DBR1: variants seen among roughly 807,000 people sequenced by gnomAD.
DBR1 encodes lariat debranching enzyme.
DBR1 carries 33 observed loss-of-function variants against 45.9 expected under a neutral mutation model. The observed-to-expected ratio is 0.72, with a 90% confidence interval of 0.55 to 0.96. The LOEUF is 0.96. Ranked by LOEUF, DBR1 falls within the 40% of genes least tolerant of loss-of-function variation. The pLI is 0.00. For missense variants in DBR1, 619 were observed against 667.4 expected (o/e 0.93, Z 0.80); for synonymous variants, 235 against 235.9 (o/e 1.00, Z 0.04).
Position 138,161,996 on chromosome 3 carries a change from A to C in DBR1, c.1528T>G (p.Leu510Val), listed in dbSNP as rs753658778. ...GNGEDLTKVPLKRLSDEHEPE... is the reference protein window; with the variant it reads ...GNGEDLTKVPVKRLSDEHEPE... ...TCATGTTCATCACTCAGCCTCTTCAATGGCACCTTGGTTAAGTCCTCTCCA... is the reference window on the plus strand; with the variant it reads ...TCATGTTCATCACTCAGCCTCTTCACTGGCACCTTGGTTAAGTCCTCTCCA... Residue 510 changes from leucine to valine, a missense_variant, in exon 8 of 8, where the codon TTG becomes GTG. This residue lies in a region of DBR1 where 182 missense variants were observed against 196.1 expected (regional missense o/e 0.93). Transcript: ENST00000260803. The C allele has an allele frequency of 6.2e-6, 10 of 1,614,132 alleles. No homozygotes were observed. Among genetic ancestry groups the C allele is most frequent in the Non-Finnish European group, 7.6e-6 (9 of 1,180,026 alleles).
In DBR1 at chr3:138,174,711, C is replaced by T. The variant is rs1168949627; in HGVS notation, c.85G>A (p.Gly29Arg). Residue 29 changes from glycine (G) to arginine (R), a missense_variant, in exon 1 of 8, where the codon GGG becomes AGG. This residue lies in a region of DBR1 where 430 missense variants were observed against 447.7 expected (regional missense o/e 0.96). Coordinates refer to ENST00000260803, the MANE Select transcript of DBR1 (RefSeq NM_016216.4). ...TLALAERRGP[G>R]PVDLLLCCGD... Reference sequence around the variant, plus strand: ...CAGCACAGCAAGAGGTCGACAGGCCCCGGGCCGCGCCGCTCTGCCAGCGCC... The same window carrying T: ...CAGCACAGCAAGAGGTCGACAGGCCTCGGGCCGCGCCGCTCTGCCAGCGCC... 7 of 1,612,686 alleles carry T rather than the reference C, an allele frequency of 4.3e-6. No individual in the cohort carries two copies. The highest frequency in any genetic ancestry group is 1.7e-4 in the Middle Eastern group (1 of 6,050).
rs1434752791 is a variant in DBR1, at chr3:138,167,293, T to C, written c.502A>G (p.Ile168Val). 6.3e-7 allele frequency: 1 copy of C among 1,596,100 alleles called. No individual in the cohort carries two copies. The highest frequency in any genetic ancestry group is 1.4e-5 in the African/African-American group (1 of 73,574). ...CAATCATGAGACAAGAATATATCTA[T>C]AGGCTGCTTCAGCTTTCAAAAGAGA... ...VYKLKQLKQP[I>V]DIFLSHDWPR... The change falls in exon 5 of 8, where the codon ATA (isoleucine) becomes GTA (valine). Residue 168 changes from isoleucine to valine, a missense_variant. Physicochemically the swap from Ile to Val is conservative, Grantham distance 29. Coordinates refer to ENST00000260803, the MANE Select transcript of DBR1 (RefSeq NM_016216.4).
intron 1 of DBR1, 150 bp downstream of exon 1, chr3:138,174,449 C>T (rs540828977): frequency 1.3e-6 from 1 of 796,450 alleles, no homozygotes; most frequent in East Asian, 2.7e-5. Flanking sequence ...CATTTCCCGC[C>T]TCCCACTACC....
chr3:138,167,754 T>G (rs1427380145), intron 4 of DBR1, among the ~76,000 whole-genome samples: 10 of 152,302 alleles, frequency 6.6e-5, no homozygotes, highest in African/African-American at 2.2e-4. Context: ...GAAACGAGCC[T>G]CACCAACATG....
rs1456770535 is a variant in DBR1 at position 138,168,638 on chromosome 3, A to G, written c.490-1333T>C. Among the ~76,000 whole-genome samples, 2 of 151,834 alleles carry G rather than the reference A, an allele frequency of 1.3e-5. 1 individual carries two copies. The highest frequency in any genetic ancestry group is 2.9e-5 in the Non-Finnish European group (2 of 67,970). ...GCCAACAGATGCAACAAAAATTCAAACTAGGGTAATGACTCTAAACTAGAG... is the reference window on the plus strand; with the variant it reads ...GCCAACAGATGCAACAAAAATTCAAGCTAGGGTAATGACTCTAAACTAGAG... On this transcript the variant is annotated intron_variant, in intron 4 of 7. Transcript: ENST00000260803.
Position 138,170,102 on chromosome 3 carries a change from C to A in DBR1, c.489+5G>T, listed in dbSNP as rs376184862. ...CAAGTCTGCTGTAATGCGCTTTTTACGTACCTGTTTTAATTTATAGACTTC... is the reference window on the plus strand; with the variant it reads ...CAAGTCTGCTGTAATGCGCTTTTTAAGTACCTGTTTTAATTTATAGACTTC... On this transcript the variant is annotated splice_donor_5th_base_variant and intron_variant, in intron 4 of 7. Transcript: ENST00000260803. 1 of 1,534,984 alleles carries A rather than the reference C, an allele frequency of 6.5e-7. No homozygotes were observed. Among genetic ancestry groups the A allele is most frequent in the African/African-American group, 1.4e-5 (1 of 72,884 alleles).
At chr3:138,165,637 G>A (rs983365851) in intron 5 of DBR1, among the ~76,000 whole-genome samples, 1 of 152,102 alleles carries the variant, frequency 6.6e-6, no homozygotes, top group African/African-American at 2.4e-5. Context: ...ACTGAGGCAG[G>A]AGAATGGTGT....
At chr3:138,166,432 T>G (rs1030767930) in intron 5 of DBR1, among the ~76,000 whole-genome samples, 1 of 152,212 alleles carries the variant, frequency 6.6e-6, no homozygotes, top group African/African-American at 2.4e-5. Context: ...TAGAATCTGC[T>G]TCATTCTCTG....
chr3:138,164,393 G>A (rs1465436418), intron 5 of DBR1, among the ~76,000 whole-genome samples: 2 of 152,160 alleles, frequency 1.3e-5, no homozygotes, highest in African/African-American at 2.4e-5. Flanking sequence ...GCAAACGAAA[G>A]AAATCAGTTG....
In DBR1 at chr3:138,167,166, G is replaced by A; in HGVS notation, c.629C>T (p.Ala210Val). 6.2e-7 allele frequency: 1 copy of A among 1,614,152 alleles called. No homozygotes were observed. Among genetic ancestry groups the A allele is most frequent in the Non-Finnish European group, 8.5e-7 (1 of 1,180,030 alleles). The change falls in exon 5 of 8, where the codon GCC (alanine) becomes GTC (valine). Residue 210 changes from alanine (A) to valine (V), a missense_variant. Physicochemically the swap from Ala to Val is moderately conservative, Grantham distance 64. This residue lies in a region of DBR1 where 430 missense variants were observed against 447.7 expected (regional missense o/e 0.96). Transcript: ENST00000260803. ...VENNTLGSPA[A>V]SELLEHLKPT... is the part of the protein sequence containing the mutation. The stretch of plus-strand genomic sequence containing the variant: ...TTTGAGATGCTCTAAAAGCTCTGAG[G>A]CAGCTGGACTTCCTAATGTGTTATT...
chr3:138,170,411 T>C (rs1326522582), intron 3 of DBR1, among the ~76,000 whole-genome samples: 4 of 152,236 alleles, frequency 2.6e-5, no homozygotes, highest in Non-Finnish European at 4.4e-5. Flanking sequence ...CACACATGGT[T>C]GCTGGCACAC....
intron 2 of DBR1, 152 bp from the exon 3 acceptor site, chr3:138,171,865 T>A (rs2042957110): frequency 3.1e-6 from 2 of 638,902 alleles, no homozygotes; most frequent in Admixed American, 2.9e-5. Context: ...CATAATAATA[T>A]GCCAACAGTG....
intron 5 of DBR1, among the ~76,000 whole-genome samples, chr3:138,166,793 C>A (rs926160987): frequency 4.6e-5 from 7 of 152,170 alleles, no homozygotes; most frequent in African/African-American, 1.7e-4. Flanking sequence ...GTGTTTCTTC[C>A]TGGCACTTCA....
At position 138,162,504 on chromosome 3, in the gene DBR1, G is replaced by A. The variant is rs533444507; in HGVS notation, c.1020C>T (p.Asn340=). Residue 340 remains asparagine (N), a synonymous_variant, in exon 8 of 8, where the codon AAC becomes AAT. Coordinates refer to ENST00000260803, the MANE Select transcript of DBR1 (RefSeq NM_016216.4). ...KLNHDLKVPC[N]FSVTAACYDP... The stretch of plus-strand genomic sequence containing the variant: ...CATAACAAGCAGCTGTTACACTAAA[G>A]TTACATGGAACCTTGAGATCATGAT... The A allele has an allele frequency of 6.2e-7, 1 of 1,614,048 alleles. No individual in the cohort carries two copies. The highest frequency in any genetic ancestry group is 1.3e-5 in the African/African-American group (1 of 75,042).
At chr3:138,172,526 C>G (rs2042959910) in intron 2 of DBR1, among the ~76,000 whole-genome samples, 1 of 152,266 alleles carries the variant, frequency 6.6e-6, no homozygotes, top group Non-Finnish European at 1.5e-5. Context: ...GCCTGGAAGG[C>G]GAAGGTTGCA....
At chr3:138,165,728 C>CA (rs529129770) in intron 5 of DBR1, among the ~76,000 whole-genome samples, 28 of 130,738 alleles carry the variant, frequency 2.1e-4, no homozygotes, top group Admixed American at 3.9e-4. Context: ...GACTCTGTCT[C>CA]AAAAAAAAAA....
intron 2 of DBR1, among the ~76,000 whole-genome samples, chr3:138,172,308 G>A (rs908865086): frequency 1.3e-5 from 2 of 152,176 alleles, no homozygotes; most frequent in Non-Finnish European, 2.9e-5. Flanking sequence ...ATGAAGCTGG[G>A]TGCGGTGGCT....
chr3:138,171,833 C>G (rs1045451943), intron 2 of DBR1, 120 bp from the exon 3 acceptor site: 1 of 732,266 alleles, frequency 1.4e-6, no homozygotes, highest in Non-Finnish European at 2.4e-6. Context: ...AATTAAGCAC[C>G]ATGATGAGGT....
chr3:138,162,685 A>G, intron 7 of DBR1, 103 bp from the exon 8 acceptor site: 1 of 984,164 alleles, frequency 1.0e-6, no homozygotes, highest in Non-Finnish European at 1.5e-6. Flanking sequence ...AAAATAAGCC[A>G]TCTATCAAAA....
Sources: allele counts gnomAD v4.1 joint callset (sites outside exome capture counted in the v4.1 genomes callset), GRCh38; gene constraint gnomAD v4.1.1; regional missense constraint gnomAD v4.1.1; transcripts MANE v1.5; gene names NCBI Gene and HGNC (gene_info 2026-07-23, HGNC 2026-07-21).